The following PEX14 variants were observed in gnomAD, a reference collection of about 807,000 sequenced individuals.
PEX14 encodes the protein peroxisomal membrane protein PEX14.
PEX14 carries 15 observed loss-of-function variants against 49.5 expected under a neutral mutation model. That is an observed-to-expected ratio of 0.30 (90% confidence interval 0.20 to 0.47). The LOEUF is 0.47. Among genes scored for constraint, PEX14 ranks in the 20% least tolerant of loss-of-function variants. The pLI, the probability that PEX14 is intolerant of heterozygous loss-of-function variation, is 1.00. For missense variants in PEX14, 398 were observed against 494.8 expected (o/e 0.80, Z 1.86); for synonymous variants, 210 against 212.7 (o/e 0.99, Z 0.11).
In PEX14 at chr1:10,495,370, C is replaced by T. The variant is rs370623558; in HGVS notation, c.84+49C>T. ...TCACTTTCTAGTAATTAAAATGCCA[C>T]GCGAGTGAAAAGAAACCTTCTGTTC... On this transcript the variant is annotated intron_variant, in intron 2 of 8. Coordinates refer to ENST00000356607, the MANE Select transcript of PEX14 (RefSeq NM_004565.3). This position sits in a 1 kb window ranked among gnomAD's most constrained non-coding sequence, Gnocchi z 4.2. 838 of 1,464,880 alleles carry T rather than the reference C, an allele frequency of 5.7e-4. 1 individual carries two copies. The highest frequency in any genetic ancestry group is 1.4e-4 in the Admixed American group (8 of 57,842). 90.7% of individuals were successfully genotyped at this position (1,464,880 alleles called of 1,614,324 possible). A position where few individuals can be genotyped will look rare whatever the true frequency, so the allele number is the denominator to read the frequency against.
intron 2 of PEX14, among the ~76,000 whole-genome samples, chr1:10,502,224 C>T (rs1167402958): frequency 1.3e-5 from 2 of 152,174 alleles, no homozygotes; most frequent in African/African-American, 4.8e-5. Context: ...GTTTTTAACA[C>T]TAGTGTCCGT....
chr1:10,480,497 G>A (rs1193394728), intron 1 of PEX14, among the ~76,000 whole-genome samples: 3 of 149,436 alleles, frequency 2.0e-5, no homozygotes, highest in African/African-American at 7.4e-5. Context: ...GGGTTCAAGC[G>A]ATTCTCCTGT....
chr1:10,572,445 C>T (rs1640002965), intron 3 of PEX14, among the ~76,000 whole-genome samples: 1 of 152,194 alleles, frequency 6.6e-6, no homozygotes, highest in African/African-American at 2.4e-5. Context: ...TCAAGCACTT[C>T]TATTCATGAA....
chr1:10,535,776 C>CGTGTGTGTGT (rs34318995), intron 2 of PEX14: 10 of 276,626 alleles, frequency 3.6e-5, no homozygotes, highest in East Asian at 1.9e-4. Flanking sequence ...TGATAGAGAA[C>CGTGTGTGTGT]GTGTGTGTGT....
At chr1:10,492,320 A>G (rs1641487575) in intron 1 of PEX14, among the ~76,000 whole-genome samples, 1 of 152,198 alleles carries the variant, frequency 6.6e-6, no homozygotes, top group South Asian at 2.1e-4. Context: ...TTAAGTCAGA[A>G]TGGGGCTTCC....
intron 7 of PEX14, among the ~76,000 whole-genome samples, chr1:10,625,412 C>G (rs1279336542): frequency 6.6e-6 from 1 of 152,252 alleles, no homozygotes; most frequent in Admixed American, 6.5e-5. Context: ...CCAGGGAAAG[C>G]CACTCCTAGC....
At chr1:10,499,605 T>C (rs988773132) in intron 2 of PEX14, among the ~76,000 whole-genome samples, 1 of 151,948 alleles carries the variant, frequency 6.6e-6, no homozygotes, top group Non-Finnish European at 1.5e-5. Context: ...CGCGCCGCCA[T>C]GCCCAGCTAA....
rs531210106 is a variant in PEX14 at position 10,613,167 on chromosome 1, G to A, written c.299-5165G>A. Among the ~76,000 whole-genome samples the A allele has an allele frequency of 2.0e-5, 3 of 152,200 alleles. No homozygotes were observed. The highest frequency in any genetic ancestry group is 4.4e-5 in the Non-Finnish European group (3 of 68,028). ...GTTTCAGGCTCAACATTGCCGTGTT[G>A]TATGCACAAGTCCTAGTCCTGTGCA... On this transcript the variant is annotated intron_variant, in intron 4 of 8. Transcript: ENST00000356607. This position sits in a 1 kb window ranked among gnomAD's most constrained non-coding sequence, Gnocchi z 5.0.
chr1:10,521,752 G>C (rs1034922360), intron 2 of PEX14, among the ~76,000 whole-genome samples: 5 of 152,172 alleles, frequency 3.3e-5, no homozygotes, highest in Admixed American at 1.3e-4. Context: ...AGGTGAGGTT[G>C]AGTGAATACC....
At chr1:10,585,755 A>G (rs1278596718) in intron 3 of PEX14, among the ~76,000 whole-genome samples, 1 of 152,102 alleles carries the variant, frequency 6.6e-6, no homozygotes, top group African/African-American at 2.4e-5. Context: ...CCCTGTCTCT[A>G]TGCAGTGGTG....
At chr1:10,552,092 C>CA (rs113453657) in intron 3 of PEX14, among the ~76,000 whole-genome samples, 67 of 147,882 alleles carry the variant, frequency 4.5e-4, no homozygotes, top group Non-Finnish European at 6.0e-4. Context: ...GACTCTGTCT[C>CA]AAAAAAAAAA....
chr1:10,615,950 A>AT (rs1339324608), intron 4 of PEX14, among the ~76,000 whole-genome samples: 1 of 152,200 alleles, frequency 6.6e-6, no homozygotes, highest in African/African-American at 2.4e-5. Flanking sequence ...TTCGATGAGT[A>AT]AACTGTATGC....
intron 2 of PEX14, among the ~76,000 whole-genome samples, chr1:10,533,870 T>TA (rs1329023130): frequency 1.3e-4 from 20 of 152,118 alleles, no homozygotes; most frequent in Middle Eastern, 3.2e-3. Flanking sequence ...TGCATTTTTT[T>TA]AAAAAAAATT....
At chr1:10,503,848 C>T (rs1042144210) in intron 2 of PEX14, among the ~76,000 whole-genome samples, 3 of 152,092 alleles carry the variant, frequency 2.0e-5, no homozygotes, top group African/African-American at 4.8e-5. Flanking sequence ...ATTCTCATGC[C>T]TAAGCCTCTT....
intron 4 of PEX14, among the ~76,000 whole-genome samples, chr1:10,605,137 C>G (rs1473347934): frequency 6.6e-6 from 1 of 152,098 alleles, no homozygotes; most frequent in Non-Finnish European, 1.5e-5. Context: ...GCCTGAGGCT[C>G]TGACTGAGCA....
chr1:10,546,004 C>A (rs1639160438), intron 3 of PEX14, among the ~76,000 whole-genome samples: 1 of 151,956 alleles, frequency 6.6e-6, no homozygotes, highest in South Asian at 2.1e-4. Flanking sequence ...ATGATTGTGC[C>A]ACTGCACTGT....
chr1:10,546,823 T>G (rs1357841411), intron 3 of PEX14, among the ~76,000 whole-genome samples: 1 of 151,488 alleles, frequency 6.6e-6, no homozygotes, highest in South Asian at 2.1e-4. Context: ...GAGCCGAGAT[T>G]GCGCCACTGC....
In PEX14 at chr1:10,599,280, G is replaced by T; in HGVS notation, c.212G>T (p.Gly71Val). Residue 71 changes from glycine (G) to valine (V), a missense_variant, in exon 4 of 9, where the codon GGC becomes GTC. Physicochemically the swap from Gly to Val is moderately radical, Grantham distance 109. Transcript: ENST00000356607. Reference protein sequence around the residue: ...EEIDMAFQQSGTAADEPSSLG... With the variant: ...EEIDMAFQQSVTAADEPSSLG... ...ATTGATATGGCCTTCCAGCAGTCGG[G>T]CACTGCTGCCGATGAGCCTTCGTCC... The T allele has an allele frequency of 6.2e-7, 1 of 1,613,506 alleles. No individual in the cohort carries two copies.
chr1:10,511,419 G>A (rs1303955228), intron 2 of PEX14, among the ~76,000 whole-genome samples: 2 of 151,886 alleles, frequency 1.3e-5, no homozygotes, highest in Non-Finnish European at 2.9e-5. Context: ...ATCATGGTGC[G>A]TTCTTTCCAG....
Sources: gnomAD v4.1 joint callset for allele counts (sites outside exome capture counted in the v4.1 genomes callset) on GRCh38, gnomAD v4.1.1 for gene constraint, Gnocchi (gnomAD v3.1) non-coding constraint, MANE v1.5 for transcripts, NCBI Gene and HGNC (gene_info 2026-07-23, HGNC 2026-07-21) for gene names.